EYS: variants seen among roughly 807,000 people sequenced by gnomAD.
The protein encoded by EYS is protein eyes shut homolog.
Under a neutral mutation model 282.1 loss-of-function variants are expected in EYS, and 250 were observed. The ratio of observed to expected loss-of-function variants is 0.89; its 90% CI spans 0.80 to 0.98. The LOEUF (loss-of-function observed/expected upper bound fraction) is 0.98, where lower values mean the gene tolerates loss of function less well. Among genes scored for constraint, EYS ranks in the 50% least tolerant of loss-of-function variants. The pLI is 0.00. For missense variants in EYS, 4,016 were observed against 3,709.0 expected (o/e 1.08, Z -2.15); for synonymous variants, 1,355 against 1,282.9 (o/e 1.06, Z -1.20).
At chr6:64,392,704 C>T (rs1023805651) in intron 28 of EYS, among the ~76,000 whole-genome samples, 4 of 147,672 alleles carry the variant, frequency 2.7e-5, no homozygotes, top group Non-Finnish European at 6.0e-5. Flanking sequence ...ACCCTAACAT[C>T]ACAATTAAAA....
intron 31 of EYS, among the ~76,000 whole-genome samples, chr6:64,183,228 A>G (rs1764839524): frequency 6.6e-6 from 1 of 152,140 alleles, no homozygotes; most frequent in African/African-American, 2.4e-5. Flanking sequence ...ACACATGCGG[A>G]ACTGTGAGTT....
At chr6:64,324,950 G>T (rs556166531) in intron 29 of EYS, among the ~76,000 whole-genome samples, 12 of 152,208 alleles carry the variant, frequency 7.9e-5, no homozygotes, top group Non-Finnish European at 1.6e-4. Context: ...AAACACTGCC[G>T]AAAGAAATCA....
At chr6:64,487,818 C>T (rs1266757052) in intron 26 of EYS, among the ~76,000 whole-genome samples, 1 of 150,846 alleles carries the variant, frequency 6.6e-6, no homozygotes. Context: ...TGAGTATTTA[C>T]TATGTGTTAG....
chr6:64,032,546 C>T (rs1311520278), intron 33 of EYS, among the ~76,000 whole-genome samples: 2 of 152,172 alleles, frequency 1.3e-5, no homozygotes, highest in South Asian at 2.1e-4. Context: ...TTAGCACAGA[C>T]CCTACGGGTT....
At chr6:64,012,120 CTTCCAGATTTTAATTAT>C (rs1768668570) in intron 33 of EYS, among the ~76,000 whole-genome samples, 1 of 150,750 alleles carries the variant, frequency 6.6e-6, no homozygotes, top group East Asian at 2.0e-4. Context: ...AAATGTCTAT[CTTCCAGATTTTAATTAT>C]TTCCAGATTA....
chr6:64,099,306 T>A (rs1772743952), intron 31 of EYS, among the ~76,000 whole-genome samples: 1 of 152,244 alleles, frequency 6.6e-6, no homozygotes, highest in African/African-American at 2.4e-5. Flanking sequence ...GTTGCAATAA[T>A]AGCCCCTGTT....
chr6:65,678,958 C>G (rs1269973772), intron 1 of EYS, among the ~76,000 whole-genome samples: 1 of 151,680 alleles, frequency 6.6e-6, no homozygotes, highest in African/African-American at 2.4e-5. Context: ...CAAAACAAAA[C>G]AGAAAATAAT....
intron 11 of EYS, among the ~76,000 whole-genome samples, chr6:65,310,141 C>T (rs7742262): frequency 6.6e-6 from 1 of 151,978 alleles, no homozygotes; most frequent in Non-Finnish European, 1.5e-5. Flanking sequence ...GTCAGGAGTT[C>T]GAGACCAGGC....
chr6:64,190,397 TATATC>T (rs1765067057), intron 31 of EYS, among the ~76,000 whole-genome samples: 2 of 152,072 alleles, frequency 1.3e-5, no homozygotes, highest in Non-Finnish European at 2.9e-5. Context: ...GGTGGGTAAT[TATATC>T]AATTAAGCAG....
chr6:64,134,987 C>T (rs564752063), intron 31 of EYS, among the ~76,000 whole-genome samples: 9 of 152,222 alleles, frequency 5.9e-5, no homozygotes, highest in African/African-American at 2.2e-4. Context: ...ATACATTTTT[C>T]ATTGCAATAG....
intron 28 of EYS, among the ~76,000 whole-genome samples, chr6:64,399,766 G>T (rs73453299): frequency 0.012 from 1,865 of 151,906 alleles, 37 homozygotes; most frequent in African/African-American, 0.043. Flanking sequence ...TGTATGGAGA[G>T]TATCAAGATG....
At chr6:64,183,419 T>C (rs904833345) in intron 31 of EYS, among the ~76,000 whole-genome samples, 2 of 152,148 alleles carry the variant, frequency 1.3e-5, no homozygotes, top group Non-Finnish European at 2.9e-5. Flanking sequence ...GGACTTTACC[T>C]CATTTACCAC....
At chr6:64,304,439 A>G (rs1769360072) in intron 30 of EYS, among the ~76,000 whole-genome samples, 1 of 152,248 alleles carries the variant, frequency 6.6e-6, no homozygotes, top group South Asian at 2.1e-4. Context: ...AACTAGATCT[A>G]ACAGACATAC....
chr6:65,582,593 C>A (rs1211500242), intron 2 of EYS, among the ~76,000 whole-genome samples: 3 of 152,106 alleles, frequency 2.0e-5, no homozygotes, highest in African/African-American at 4.8e-5. Flanking sequence ...ATTTTGCTAT[C>A]ATTGGAAAAC....
chr6:64,494,741 A>G (rs1331375586), intron 26 of EYS, among the ~76,000 whole-genome samples: 6 of 151,704 alleles, frequency 4.0e-5, no homozygotes, highest in African/African-American at 2.4e-5. Context: ...GTACCATTTT[A>G]TACCTCATGA....
At chr6:64,483,259 G>C (rs1003082034) in intron 26 of EYS, among the ~76,000 whole-genome samples, 1 of 151,652 alleles carries the variant, frequency 6.6e-6, no homozygotes. Context: ...TATGTGGAAC[G>C]TTCTATGAAA....
intron 5 of EYS, among the ~76,000 whole-genome samples, chr6:65,420,556 T>C (rs765319019): frequency 1.4e-5 from 2 of 147,110 alleles, no homozygotes; most frequent in Admixed American, 6.7e-5. Flanking sequence ...ATTCCTGTTA[T>C]TGTTGACATT....
chr6:64,337,140 A>G (rs1770882445), intron 29 of EYS, among the ~76,000 whole-genome samples: 1 of 152,086 alleles, frequency 6.6e-6, no homozygotes, highest in Non-Finnish European at 1.5e-5. Flanking sequence ...GCAGAACTAA[A>G]TGAAATTGAA....
At chr6:63,955,079 T>C (rs548556355) in intron 35 of EYS, among the ~76,000 whole-genome samples, 2 of 152,190 alleles carry the variant, frequency 1.3e-5, no homozygotes, top group East Asian at 3.9e-4. Flanking sequence ...TCTCTTGGTC[T>C]GGGTAGACAC....
Sources: gnomAD v4.1 joint callset for allele counts (sites outside exome capture counted in the v4.1 genomes callset) on GRCh38, gnomAD v4.1.1 for gene constraint, MANE v1.5 for transcripts, NCBI Gene and HGNC (gene_info 2026-07-23, HGNC 2026-07-21) for gene names.